RBFOX1: variants seen among roughly 807,000 people sequenced by gnomAD.
RBFOX1 encodes RNA binding protein fox-1 homolog 1.
In RBFOX1, 8 loss-of-function variants were observed where a neutral mutation model predicts 57.7. The ratio of observed to expected loss-of-function variants is 0.14; its 90% CI spans 0.08 to 0.25. The LOEUF is 0.25. RBFOX1 is among the 10% of genes least tolerant of loss of function. RBFOX1 has a pLI of 1.00. For synonymous variants in RBFOX1, 326 were observed against 222.4 expected (o/e 1.47, Z -4.15); for missense variants, 611 against 548.5 (o/e 1.11, Z -1.14).
chr16:6,322,932 C>T (rs2152791125), intron 2 of RBFOX1, among the ~76,000 whole-genome samples: 1 of 152,284 alleles, frequency 6.6e-6, no homozygotes, highest in African/African-American at 2.4e-5. Flanking sequence ...TGCTTTGACA[C>T]TTCCCTGGCC....
At chr16:7,355,775 A>C (rs1212315072) in intron 4 of RBFOX1, among the ~76,000 whole-genome samples, 2 of 152,214 alleles carry the variant, frequency 1.3e-5, no homozygotes, top group African/African-American at 4.8e-5. Context: ...TCTGTGCTCA[A>C]ACTGGACATC....
At chr16:6,586,347 G>A (rs2097617197) in intron 2 of RBFOX1, among the ~76,000 whole-genome samples, 3 of 152,140 alleles carry the variant, frequency 2.0e-5, no homozygotes, top group Admixed American at 2.0e-4. Flanking sequence ...CCTACAAAAT[G>A]AGCAAAACCA....
chr16:7,281,256 G>A (rs527260038), intron 4 of RBFOX1, among the ~76,000 whole-genome samples: 40 of 151,910 alleles, frequency 2.6e-4, no homozygotes, highest in Non-Finnish European at 5.1e-4. Context: ...GCCTGTCCCA[G>A]CCTCCCACAG....
At chr16:6,193,614 G>A (rs540426281) in intron 1 of RBFOX1, among the ~76,000 whole-genome samples, 2 of 151,500 alleles carry the variant, frequency 1.3e-5, no homozygotes, top group East Asian at 3.9e-4. Context: ...CAATAAAACA[G>A]GCAAAGCATT....
At chr16:6,257,494 G>T (rs570634522) in intron 1 of RBFOX1, among the ~76,000 whole-genome samples, 11 of 151,914 alleles carry the variant, frequency 7.2e-5, no homozygotes, top group African/African-American at 2.4e-4. Context: ...TGTCCTGGGG[G>T]TTTGTCGTAC....
At chr16:6,610,599 G>T (rs2098032074) in intron 2 of RBFOX1, among the ~76,000 whole-genome samples, 1 of 152,006 alleles carries the variant, frequency 6.6e-6, no homozygotes, top group African/African-American at 2.4e-5. Flanking sequence ...CGAAATGCTG[G>T]GATTACCGGT....
intron 1 of RBFOX1, among the ~76,000 whole-genome samples, chr16:6,207,337 TA>T (rs1345997765): frequency 6.6e-6 from 1 of 152,224 alleles, no homozygotes; most frequent in African/African-American, 2.4e-5. Context: ...ATGAGGCTGA[TA>T]AAATTATCTA....
chr16:6,067,400 C>G (rs1414356973), intron 1 of RBFOX1, among the ~76,000 whole-genome samples: 1 of 152,004 alleles, frequency 6.6e-6, no homozygotes, highest in Non-Finnish European at 1.5e-5. Context: ...AACAAACAAA[C>G]AAACAAACAC....
intron 5 of RBFOX1, among the ~76,000 whole-genome samples, chr16:7,544,339 C>A (rs1477585493): frequency 6.6e-6 from 1 of 152,186 alleles, no homozygotes; most frequent in East Asian, 1.9e-4. Context: ...ATTTAATGTA[C>A]TGAGTGAATT....
intron 3 of RBFOX1, among the ~76,000 whole-genome samples, chr16:6,801,411 T>G (rs1447071317): frequency 2.0e-5 from 3 of 152,174 alleles, no homozygotes; most frequent in Non-Finnish European, 2.9e-5. Context: ...CCTTGGGAAC[T>G]GCTCAGCTGA....
intron 4 of RBFOX1, among the ~76,000 whole-genome samples, chr16:7,061,799 G>C (rs1016859057): frequency 1.2e-4 from 18 of 152,238 alleles, no homozygotes; most frequent in Admixed American, 6.5e-4. Context: ...TGATGCCTCA[G>C]CAAGGACTTG....
intron 1 of RBFOX1, among the ~76,000 whole-genome samples, chr16:6,251,820 C>T (rs2097615748): frequency 6.6e-6 from 1 of 152,072 alleles, no homozygotes; most frequent in Admixed American, 6.6e-5. Context: ...CCTGCCTCTC[C>T]TTGCCAGAGA....
At chr16:5,561,957 C>T (rs1171945249) in intron 2 of RBFOX1, among the ~76,000 whole-genome samples, 1 of 152,274 alleles carries the variant, frequency 6.6e-6, no homozygotes, top group African/African-American at 2.4e-5. Context: ...CCCCTGTCAT[C>T]GGTTCATTCA....
chr16:5,711,044 C>A (rs1050698083), intron 3 of RBFOX1, among the ~76,000 whole-genome samples: 9 of 152,026 alleles, frequency 5.9e-5, no homozygotes, highest in Admixed American at 2.0e-4. Context: ...TCTGGACTCC[C>A]AGGGTGTTTG....
intron 3 of RBFOX1, among the ~76,000 whole-genome samples, chr16:6,921,647 T>TA (rs2074479167): frequency 1.3e-4 from 5 of 37,666 alleles, no homozygotes; most frequent in Admixed American, 9.1e-4. Flanking sequence ...ATATATATAT[T>TA]TTTTTTTTTC....
At chr16:7,040,804 T>A (rs934296105) in intron 3 of RBFOX1, among the ~76,000 whole-genome samples, 6 of 152,378 alleles carry the variant, frequency 3.9e-5, no homozygotes, top group African/African-American at 1.2e-4. Flanking sequence ...AATGGATTCA[T>A]AATATTCCGT....
chr16:7,058,749 T>A (rs2153743614), intron 4 of RBFOX1, among the ~76,000 whole-genome samples: 1 of 152,324 alleles, frequency 6.6e-6, no homozygotes, highest in Admixed American at 6.5e-5. Context: ...GTGTGACTGT[T>A]GATATTGGTT....
chr16:6,580,707 C>G (rs1027925733), intron 2 of RBFOX1, among the ~76,000 whole-genome samples: 15 of 152,230 alleles, frequency 9.9e-5, no homozygotes, highest in African/African-American at 3.6e-4. Flanking sequence ...TTCTCCTTAC[C>G]TTTCTAGAGA....
intron 1 of RBFOX1, among the ~76,000 whole-genome samples, chr16:5,367,139 A>G (rs934702405): frequency 1.3e-5 from 2 of 152,246 alleles, no homozygotes; most frequent in African/African-American, 4.8e-5. Flanking sequence ...ATTTTTAGAC[A>G]AATGATTTTG....
Sources: gnomAD v4.1 joint callset for allele counts (sites outside exome capture counted in the v4.1 genomes callset) on GRCh38, gnomAD v4.1.1 for gene constraint, MANE v1.5 for transcripts, NCBI Gene and HGNC (gene_info 2026-07-23, HGNC 2026-07-21) for gene names.